Variants in UGGT1 observed in about 807,000 individuals in gnomAD.
UGGT1 encodes the protein UDP-glucose:glycoprotein glucosyltransferase 1.
UGGT1 carries 107 observed loss-of-function variants against 203.9 expected under a neutral mutation model. The ratio of observed to expected loss-of-function variants is 0.52; its 90% CI spans 0.45 to 0.62. The LOEUF (loss-of-function observed/expected upper bound fraction) is 0.62. UGGT1 is among the 20% of genes least tolerant of loss of function. UGGT1 has a pLI of 0.00. For missense variants in UGGT1, 1,673 were observed against 1,867.2 expected (o/e 0.90, Z 1.92); for synonymous variants, 628 against 653.5 (o/e 0.96, Z 0.59).
chr2:128,171,305 A>G, intron 28 of UGGT1, 21 bp downstream of exon 28: 1 of 1,601,740 alleles, frequency 6.2e-7, no homozygotes, highest in Non-Finnish European at 8.5e-7. Flanking sequence ...CTATGTAAGA[A>G]AACAGTTGAA....
At chr2:128,185,303 G>A (rs1340384807) in intron 38 of UGGT1, among the ~76,000 whole-genome samples, 3 of 150,816 alleles carry the variant, frequency 2.0e-5, no homozygotes, top group Admixed American at 2.0e-4. Flanking sequence ...GAGCAGGTGG[G>A]ATTACAGAGG....
In UGGT1 at chr2:128,113,236, A is replaced by G; in HGVS notation, c.674A>G (p.Tyr225Cys). ...ISKSNAGKIN[Y>C]VFRHYIFNPR... is the part of the protein sequence containing the mutation. ...AAAAGCAATGCAGGCAAAATCAATTATGTATTCAGACATTATATATTTGTA... is the reference window on the plus strand; with the variant it reads ...AAAAGCAATGCAGGCAAAATCAATTGTGTATTCAGACATTATATATTTGTA... The change falls in exon 6 of 41, where the codon TAT (tyrosine) becomes TGT (cysteine). Residue 225 changes from tyrosine (Y) to cysteine (C), a missense_variant. Transcript: ENST00000259253. 6 of 1,611,342 alleles carry G rather than the reference A, an allele frequency of 3.7e-6. No homozygotes were observed. The highest frequency in any genetic ancestry group is 4.5e-5 in the East Asian group (2 of 44,746).
chr2:128,091,203 TG>T lies in UGGT1; in HGVS notation c.-152del. 2.4e-6 allele frequency: 2 copies of T among 818,386 alleles called. No individual in the cohort carries two copies. Among genetic ancestry groups the T allele is most frequent in the Non-Finnish European group, 3.6e-6 (2 of 554,310 alleles). 50.7% of individuals were successfully genotyped at this position (818,386 alleles called of 1,614,324 possible). ...CGGAAGTAAAAGGGCGGCCGGCAGC[TG>T]GGCAATTGCTTTGCGAGGCTGGGTG... On this transcript the variant is annotated 5_prime_UTR_variant, in exon 1 of 41. Coordinates refer to ENST00000259253, the MANE Select transcript of UGGT1 (RefSeq NM_020120.4).
At chr2:128,153,412 C>A (rs1001374369) in intron 19 of UGGT1, among the ~76,000 whole-genome samples, 2 of 151,804 alleles carry the variant, frequency 1.3e-5, no homozygotes, top group African/African-American at 2.4e-5. Flanking sequence ...ATGAAAAAAA[C>A]CCCACAAAGT....
intron 22 of UGGT1, among the ~76,000 whole-genome samples, chr2:128,158,923 T>C (rs572486115): frequency 1.3e-5 from 2 of 152,206 alleles, no homozygotes; most frequent in South Asian, 4.2e-4. Context: ...GAATATAAAC[T>C]GTGTTGGGTA....
intron 5 of UGGT1, 71 bp from the exon 6 acceptor site, chr2:128,113,010 ACTT>A (rs879518410): frequency 2.1e-5 from 27 of 1,312,914 alleles, no homozygotes; most frequent in Middle Eastern, 2.0e-4. Context: ...TCATAACTGT[ACTT>A]TATATTTTGT....
chr2:128,189,914 T>G lies in UGGT1; in HGVS notation c.*172T>G, dbSNP rs547118583. 2 of 651,168 alleles carry G rather than the reference T, an allele frequency of 3.1e-6. No individual in the cohort carries two copies. The highest frequency in any genetic ancestry group is 4.8e-5 in the South Asian group (2 of 41,324). 40.3% of individuals were successfully genotyped at this position (651,168 alleles called of 1,614,324 possible). On this transcript the variant is annotated 3_prime_UTR_variant, in exon 41 of 41. Transcript: ENST00000259253. ...TCTGTACTCTGGTGGCCACTGGATC[T>G]TTGGGATTAAAGCTCTGTTGGATTT...
chr2:128,185,199 CT>C (rs1216222009), intron 38 of UGGT1, among the ~76,000 whole-genome samples: 290 of 136,248 alleles, frequency 2.1e-3, no homozygotes, highest in Middle Eastern at 7.5e-3. Flanking sequence ...TTGTTTCTCT[CT>C]TTTTTTTTTT....
chr2:128,156,443 T>C lies in UGGT1; in HGVS notation c.2260+28T>C, dbSNP rs372397998. ...AACTTAAAACTTCAGAATGTTCTAT[T>C]TCTTAATTTTCTTCTTTGGTTTCAG... On this transcript the variant is annotated intron_variant, in intron 21 of 40. Coordinates refer to ENST00000259253, the MANE Select transcript of UGGT1 (RefSeq NM_020120.4). 16 of 1,537,288 alleles carry C rather than the reference T, an allele frequency of 1.0e-5. No homozygotes were observed. In the African/African-American group the frequency reaches 2.2e-4, roughly 21 times the overall value.
chr2:128,093,699 A>G (rs1186503774), intron 1 of UGGT1, among the ~76,000 whole-genome samples: 3 of 152,220 alleles, frequency 2.0e-5, no homozygotes, highest in Admixed American at 6.5e-5. Context: ...CCAGAGAACC[A>G]GAGAAGAGAG....
At chr2:128,095,126 A>G (rs1183429929) in intron 1 of UGGT1, among the ~76,000 whole-genome samples, 1 of 152,120 alleles carries the variant, frequency 6.6e-6, no homozygotes, top group Non-Finnish European at 1.5e-5. Context: ...CAGTAACTTT[A>G]CTAGATTCCA....
At chr2:128,187,747 A>G (rs1244539224) in intron 40 of UGGT1, 133 bp downstream of exon 40, 3 of 1,002,114 alleles carry the variant, frequency 3.0e-6, no homozygotes, top group Non-Finnish European at 4.1e-6. Flanking sequence ...AACATCAACC[A>G]GTATATATTT....
chr2:128,127,316 A>T (rs920417068), intron 11 of UGGT1, 45 bp from the exon 12 acceptor site: 2 of 1,427,982 alleles, frequency 1.4e-6, no homozygotes, highest in Non-Finnish European at 1.9e-6. Flanking sequence ...AATTTTTTTT[A>T]AAACATTCTC....
intron 34 of UGGT1, 49 bp downstream of exon 34, chr2:128,178,618 T>G (rs1392147886): frequency 6.5e-7 from 1 of 1,529,990 alleles, no homozygotes; most frequent in South Asian, 1.1e-5. Flanking sequence ...AATTGGTCAG[T>G]GTTCTTATTT....
rs142312121 is a variant in UGGT1 at position 128,152,198 on chromosome 2, A to G, written c.2017-586A>G. On this transcript the variant is annotated intron_variant, in intron 18 of 40. Coordinates refer to ENST00000259253, the MANE Select transcript of UGGT1 (RefSeq NM_020120.4). ...CCTATTTTTTTTTTTTCCTTGGGAC[A>G]GAGTCTCACTCTGTAGCCCAGTGCA... is the stretch of plus-strand genomic sequence containing the variant. Among the ~76,000 whole-genome samples, 222 of 151,920 alleles carry G rather than the reference A, an allele frequency of 1.5e-3. 5 individuals carry two copies. In the East Asian group the frequency reaches 0.04, roughly 27 times the overall value.
chr2:128,182,231 C>T lies in UGGT1; in HGVS notation c.4185C>T (p.Tyr1395=). The T allele has an allele frequency of 5.0e-6, 8 of 1,614,178 alleles. No individual in the cohort carries two copies. In the Admixed American group the frequency reaches 1.2e-4, roughly 24 times the overall value. Residue 1395 remains tyrosine (Y), a synonymous_variant, in exon 37 of 41, where the codon TAC becomes TAT. Transcript: ENST00000259253. ...ACAGCCGAAGAGAAATGGACGGCTA[C>T]AGGTTCTGGAAGTCAGGGTACTGGG... The part of the protein sequence containing the change: ...FCDSRREMDG[Y]RFWKSGYWAS...
At chr2:128,131,772 C>T (rs918588532) in intron 13 of UGGT1, among the ~76,000 whole-genome samples, 3 of 151,996 alleles carry the variant, frequency 2.0e-5, no homozygotes, top group East Asian at 3.9e-4. Flanking sequence ...GGACTACAGG[C>T]GCACACCACC....
intron 36 of UGGT1, 56 bp from the exon 37 acceptor site, chr2:128,182,074 A>G (rs1691717040): frequency 7.0e-6 from 11 of 1,562,456 alleles, no homozygotes; most frequent in East Asian, 2.3e-5. Flanking sequence ...TCTGAAGGAA[A>G]CCGCATTAGA....
In UGGT1 at chr2:128,129,124, A is replaced by G; in HGVS notation, c.1322A>G (p.Asn441Ser). Reference sequence around the variant, plus strand: ...TCTCTGCATAATGTTTTGAAGCTGAACATCCAGCCCTCTGAGGCAGACTAT... The same window carrying G: ...TCTCTGCATAATGTTTTGAAGCTGAGCATCCAGCCCTCTGAGGCAGACTAT... ...GLSLHNVLKL[N>S]IQPSEADYAV... Residue 441 changes from asparagine to serine, a missense_variant, in exon 13 of 41, where the codon AAC (asparagine) becomes AGC (serine). Coordinates refer to ENST00000259253, the MANE Select transcript of UGGT1 (RefSeq NM_020120.4). 1 of 1,614,114 alleles carries G rather than the reference A, an allele frequency of 6.2e-7. No homozygotes were observed. The highest frequency in any genetic ancestry group is 8.5e-7 in the Non-Finnish European group (1 of 1,180,012).
Sources: allele counts gnomAD v4.1 joint callset (sites outside exome capture counted in the v4.1 genomes callset), GRCh38; gene constraint gnomAD v4.1.1; transcripts MANE v1.5; gene names NCBI Gene and HGNC (gene_info 2026-07-23, HGNC 2026-07-21).